Variants in POC1B observed in about 807,000 individuals in gnomAD.
POC1B encodes the protein POC1 centriolar protein B, also known as POC1 centriolar protein homolog B.
Under a neutral mutation model 60.6 loss-of-function variants are expected in POC1B, and 44 were observed. The ratio of observed to expected loss-of-function variants is 0.73; its 90% CI spans 0.57 to 0.93. The LOEUF is 0.93. Among genes scored for constraint, POC1B ranks in the 40% least tolerant of loss-of-function variants. The probability of loss-of-function intolerance (pLI) is 0.00; values close to 1 mark genes in which losing one functional copy is unlikely to be tolerated. For synonymous variants in POC1B, 180 were observed against 198.9 expected (o/e 0.90, Z 0.80); for missense variants, 555 against 572.3 (o/e 0.97, Z 0.31).
chr12:89,423,775 G>C (rs1234178906), intron 11 of POC1B, among the ~76,000 whole-genome samples: 1 of 152,124 alleles, frequency 6.6e-6, no homozygotes, highest in Admixed American at 6.6e-5. Flanking sequence ...AAATCATAGA[G>C]AAATTCAGTA....
intron 10 of POC1B, among the ~76,000 whole-genome samples, chr12:89,457,222 A>G (rs1882295670): frequency 6.6e-6 from 1 of 152,180 alleles, no homozygotes; most frequent in Non-Finnish European, 1.5e-5. Context: ...CTTTACAATT[A>G]TGTCTGATTT....
chr12:89,496,832 A>C (rs2135742698), intron 3 of POC1B, among the ~76,000 whole-genome samples: 1 of 152,304 alleles, frequency 6.6e-6, no homozygotes, highest in South Asian at 2.1e-4. Flanking sequence ...GAAGTTAATA[A>C]ACTGAATTTT....
At chr12:89,509,387 T>C (rs1349463277) in intron 2 of POC1B, among the ~76,000 whole-genome samples, 1 of 152,232 alleles carries the variant, frequency 6.6e-6, no homozygotes, top group African/African-American at 2.4e-5. Context: ...AATTACACGA[T>C]GTTCTAAGAT....
At chr12:89,447,939 C>T (rs185295037) in intron 10 of POC1B, among the ~76,000 whole-genome samples, 161 of 151,800 alleles carry the variant, frequency 1.1e-3, no homozygotes, top group African/African-American at 3.7e-3. Context: ...GAACATGGAG[C>T]GACTGGACCT....
At chr12:89,436,808 T>A (rs1334098783) in intron 10 of POC1B, among the ~76,000 whole-genome samples, 1 of 151,986 alleles carries the variant, frequency 6.6e-6, no homozygotes, top group African/African-American at 2.4e-5. Context: ...TTAATGTAGA[T>A]CATCTCTTTA....
At chr12:89,496,393 G>T (rs1004473341) in intron 3 of POC1B, among the ~76,000 whole-genome samples, 16 of 152,030 alleles carry the variant, frequency 1.1e-4, no homozygotes, top group Non-Finnish European at 2.1e-4. Flanking sequence ...ATGATATGTA[G>T]GATTTTTTCT....
intron 3 of POC1B, among the ~76,000 whole-genome samples, chr12:89,495,924 G>T (rs1185572451): frequency 6.6e-6 from 1 of 151,994 alleles, no homozygotes; most frequent in Admixed American, 6.6e-5. Flanking sequence ...ACCACGCCTG[G>T]CTAACTTTGT....
At position 89,466,441 on chromosome 12, in the gene POC1B, A is replaced by G. The variant is rs544973568; in HGVS notation, c.1032+329T>C. ...ACCATTATAAAAATTCTTGCCCTCC[A>G]GCCTTATTCTCATGACAGCCATCAC... On this transcript the variant is annotated intron_variant, in intron 9 of 11. Transcript: ENST00000313546. Among the ~76,000 whole-genome samples, 59 of 152,282 alleles carry G rather than the reference A, an allele frequency of 3.9e-4. No individual in the cohort carries two copies. The South Asian group carries it at 4.1e-3, about 11-fold the overall frequency.
At position 89,501,024 on chromosome 12, in the gene POC1B, T is replaced by A. The variant is rs1565751897; in HGVS notation, c.101-3682A>T. 4 of 1,024,028 alleles carry A rather than the reference T, an allele frequency of 3.9e-6. No homozygotes were observed. In the East Asian group the frequency reaches 1.0e-4, roughly 26 times the overall value. 63.4% of individuals were successfully genotyped at this position (1,024,028 alleles called of 1,614,324 possible). ...AGAGGATGAATTTATAATTGATAAGTCAGATCAAAGTTTTGCCAGTAGATC... is the reference window on the plus strand; with the variant it reads ...AGAGGATGAATTTATAATTGATAAGACAGATCAAAGTTTTGCCAGTAGATC... On this transcript the variant is annotated intron_variant, in intron 2 of 11. Coordinates refer to ENST00000313546, the MANE Select transcript of POC1B (RefSeq NM_172240.3).
chr12:89,504,408 A>G (rs1022386697), intron 2 of POC1B, among the ~76,000 whole-genome samples: 1 of 152,294 alleles, frequency 6.6e-6, no homozygotes, highest in African/African-American at 2.4e-5. Context: ...TGAAGGCAGC[A>G]TGCTCCTTAA....
At chr12:89,464,051 G>A (rs1326260885) in intron 9 of POC1B, among the ~76,000 whole-genome samples, 2 of 152,004 alleles carry the variant, frequency 1.3e-5, no homozygotes, top group African/African-American at 4.8e-5. Context: ...AAACACTCAT[G>A]GTCACTGCAA....
chr12:89,413,640 C>T, the POC1B span, among the ~76,000 whole-genome samples: 1 of 152,078 alleles, frequency 6.6e-6, no homozygotes, highest in Admixed American at 6.5e-5. Context: ...GATATACTTT[C>T]TGCATATTTG....
Position 89,499,678 on chromosome 12 carries a change from A to G in POC1B, c.101-2336T>C, listed in dbSNP as rs548366081. 9.0e-4 allele frequency among the ~76,000 whole-genome samples: 137 copies of G among 152,356 alleles called. 2 individuals carry two copies. In the South Asian group the frequency reaches 0.024, roughly 27 times the overall value. On this transcript the variant is annotated intron_variant, in intron 2 of 11. Coordinates refer to ENST00000313546, the MANE Select transcript of POC1B (RefSeq NM_172240.3). ...TAAATTATGGAAAGAAATAAAAAATAAAACAATTGTGGTGGGTCAACTGGA... is the reference window on the plus strand; with the variant it reads ...TAAATTATGGAAAGAAATAAAAAATGAAACAATTGTGGTGGGTCAACTGGA...
intron 10 of POC1B, among the ~76,000 whole-genome samples, chr12:89,444,307 G>GA (rs1396663990): frequency 6.6e-6 from 1 of 152,082 alleles, no homozygotes; most frequent in Non-Finnish European, 1.5e-5. Flanking sequence ...AACGAAAAAA[G>GA]AATATTTTAG....
chr12:89,432,446 T>C (rs1881076236), intron 10 of POC1B, among the ~76,000 whole-genome samples: 1 of 145,472 alleles, frequency 6.9e-6, no homozygotes, highest in Admixed American at 6.8e-5. Flanking sequence ...AAAGCCCTCT[T>C]TGCCATGTAA....
intron 2 of POC1B, among the ~76,000 whole-genome samples, chr12:89,508,183 G>A (rs1869993534): frequency 6.6e-6 from 1 of 152,134 alleles, no homozygotes; most frequent in African/African-American, 2.4e-5. Context: ...TTGCTATTCT[G>A]CATTTTGCCT....
At chr12:89,447,553 C>T (rs1362948503) in intron 10 of POC1B, among the ~76,000 whole-genome samples, 1 of 152,036 alleles carries the variant, frequency 6.6e-6, no homozygotes, top group Admixed American at 6.6e-5. Flanking sequence ...GTTTTTGCTT[C>T]AGCTTAATGA....
chr12:89,496,040 C>T (rs1257516073), intron 3 of POC1B, among the ~76,000 whole-genome samples: 3 of 152,052 alleles, frequency 2.0e-5, no homozygotes, highest in African/African-American at 7.2e-5. Flanking sequence ...TGATTACAGG[C>T]GTGAGCCACT....
At chr12:89,523,052 T>C (rs1050423086) in intron 2 of POC1B, 2 of 1,613,732 alleles carry the variant, frequency 1.2e-6, no homozygotes, top group Admixed American at 1.7e-5. Flanking sequence ...CATAACTCTG[T>C]CACAGAATTA....
Sources: gnomAD v4.1 joint callset for allele counts (sites outside exome capture counted in the v4.1 genomes callset) on GRCh38, gnomAD v4.1.1 for gene constraint, MANE v1.5 for transcripts, NCBI Gene and HGNC (gene_info 2026-07-23, HGNC 2026-07-21) for gene names.